RASAL2: variants seen among roughly 807,000 people sequenced by gnomAD.
The protein encoded by RASAL2 is ras GTPase-activating protein nGAP.
Under a neutral mutation model 128.9 loss-of-function variants are expected in RASAL2, and 58 were observed. That is an observed-to-expected ratio of 0.45 (90% confidence interval 0.36 to 0.56). RASAL2 has a LOEUF of 0.56. RASAL2 is among the 20% of genes least tolerant of loss of function. The probability of loss-of-function intolerance (pLI) is 0.00; values close to 1 mark genes in which losing one functional copy is unlikely to be tolerated. For synonymous variants in RASAL2, 561 were observed against 580.8 expected (o/e 0.97, Z 0.49); for missense variants, 1,360 against 1,601.6 (o/e 0.85, Z 2.57).
intron 16 of RASAL2, among the ~76,000 whole-genome samples, chr1:178,466,736 G>A (rs968868464): frequency 5.3e-5 from 8 of 152,148 alleles, no homozygotes; most frequent in South Asian, 2.1e-4. Flanking sequence ...TTTGAATCCC[G>A]GACTCCAGAT....
intron 1 of RASAL2, among the ~76,000 whole-genome samples, chr1:178,282,323 A>G (rs1464061529): frequency 1.3e-5 from 2 of 152,144 alleles, no homozygotes; most frequent in African/African-American, 2.4e-5. Context: ...CAATGAAGAC[A>G]ATATTGAACA....
At chr1:178,139,422 T>G (rs1282625430) in intron 1 of RASAL2, among the ~76,000 whole-genome samples, 1 of 152,066 alleles carries the variant, frequency 6.6e-6, no homozygotes, top group Non-Finnish European at 1.5e-5. Flanking sequence ...ACTTACCCTT[T>G]TATTGATGTA....
chr1:178,173,632 C>T (rs1661778429), intron 1 of RASAL2, among the ~76,000 whole-genome samples: 1 of 152,056 alleles, frequency 6.6e-6, no homozygotes, highest in Non-Finnish European at 1.5e-5. Context: ...GGAACCTGTT[C>T]TGTTTCTGTG....
intron 1 of RASAL2, among the ~76,000 whole-genome samples, chr1:178,202,484 C>T (rs751967922): frequency 6.6e-5 from 10 of 152,176 alleles, no homozygotes; most frequent in Admixed American, 2.0e-4. Flanking sequence ...TGGAGGATAG[C>T]GGTGAAGGAA....
chr1:178,108,634 G>C (rs1659185807), intron 1 of RASAL2, among the ~76,000 whole-genome samples: 1 of 152,136 alleles, frequency 6.6e-6, no homozygotes, highest in African/African-American at 2.4e-5. Context: ...TCAAATCTGT[G>C]CTCTTAATCA....
At chr1:178,355,453 A>T (rs1670751515) in intron 3 of RASAL2, among the ~76,000 whole-genome samples, 1 of 152,202 alleles carries the variant, frequency 6.6e-6, no homozygotes. Context: ...GAAGTGGATT[A>T]TTTCTTAACA....
chr1:178,255,627 A>G (rs1665306969), intron 1 of RASAL2, among the ~76,000 whole-genome samples: 1 of 152,110 alleles, frequency 6.6e-6, no homozygotes, highest in Admixed American at 6.5e-5. Flanking sequence ...AATTAGAACA[A>G]ATCTGAAGAT....
At chr1:178,290,738 C>T (rs376001124) in intron 2 of RASAL2, among the ~76,000 whole-genome samples, 14 of 151,930 alleles carry the variant, frequency 9.2e-5, no homozygotes, top group East Asian at 5.8e-4. Context: ...TGCGGTGGTG[C>T]GATCTCGGCT....
intron 1 of RASAL2, among the ~76,000 whole-genome samples, chr1:178,171,246 A>G (rs1661696221): frequency 1.3e-5 from 2 of 152,082 alleles, no homozygotes; most frequent in East Asian, 3.9e-4. Flanking sequence ...CTCTCAGCAC[A>G]TTGTACCTGC....
chr1:178,236,402 G>A (rs1004430228), intron 1 of RASAL2, among the ~76,000 whole-genome samples: 4 of 152,030 alleles, frequency 2.6e-5, no homozygotes, highest in Non-Finnish European at 5.9e-5. Context: ...AGAGATTCTG[G>A]ATTTTAAGAG....
At chr1:178,430,164 C>CT (rs1675794047) in intron 5 of RASAL2, among the ~76,000 whole-genome samples, 1 of 152,072 alleles carries the variant, frequency 6.6e-6, no homozygotes, top group Non-Finnish European at 1.5e-5. Flanking sequence ...AGAGTCAAAA[C>CT]TGACTTCCAG....
chr1:178,437,091 G>A (rs999605676), intron 5 of RASAL2, among the ~76,000 whole-genome samples: 1 of 152,078 alleles, frequency 6.6e-6, no homozygotes. Flanking sequence ...CCTTATAGGT[G>A]TAGCACCATG....
chr1:178,337,564 A>C (rs1669652887), intron 3 of RASAL2, among the ~76,000 whole-genome samples: 1 of 152,142 alleles, frequency 6.6e-6, no homozygotes, highest in Non-Finnish European at 1.5e-5. Context: ...TCTGCTGTTC[A>C]AAAGAGGAAG....
chr1:178,455,566 T>C (rs1018800476), intron 12 of RASAL2, among the ~76,000 whole-genome samples: 1 of 152,238 alleles, frequency 6.6e-6, no homozygotes, highest in Non-Finnish European at 1.5e-5. Flanking sequence ...GCTTAAAATA[T>C]TTGTAAAACA....
At chr1:178,170,619 A>G (rs1284531132) in intron 1 of RASAL2, among the ~76,000 whole-genome samples, 2 of 151,584 alleles carry the variant, frequency 1.3e-5, no homozygotes, top group Non-Finnish European at 1.5e-5. Flanking sequence ...TTCATTTCTT[A>G]AAGTTGTTTT....
intron 3 of RASAL2, among the ~76,000 whole-genome samples, chr1:178,359,506 T>C (rs1324241103): frequency 1.3e-5 from 2 of 152,220 alleles, no homozygotes; most frequent in African/African-American, 2.4e-5. Context: ...ATACCGACCT[T>C]GTGCTCATCT....
intron 1 of RASAL2, among the ~76,000 whole-genome samples, chr1:178,160,147 C>T (rs1571562657): frequency 1.3e-5 from 2 of 150,518 alleles, no homozygotes; most frequent in South Asian, 4.2e-4. Flanking sequence ...TTTGCTGCAC[C>T]CTATTCTGTA....
intron 7 of RASAL2, 149 bp from the exon 8 acceptor site, chr1:178,442,526 T>C (rs1308327886): frequency 3.3e-6 from 2 of 601,310 alleles, no homozygotes; most frequent in Non-Finnish European, 5.8e-6. Flanking sequence ...TAGAGCTTGC[T>C]GTTAACCTAA....
At chr1:178,206,225 T>C (rs898197120) in intron 1 of RASAL2, among the ~76,000 whole-genome samples, 1 of 152,220 alleles carries the variant, frequency 6.6e-6, no homozygotes, top group African/African-American at 2.4e-5. Context: ...GGTAGCATTC[T>C]GTTTTGTTCT....
Sources: allele counts gnomAD v4.1 joint callset (sites outside exome capture counted in the v4.1 genomes callset), GRCh38; gene constraint gnomAD v4.1.1; transcripts MANE v1.5; gene names NCBI Gene and HGNC (gene_info 2026-07-23, HGNC 2026-07-21).